ALDH1L1: variants seen among roughly 807,000 people sequenced by gnomAD.
ALDH1L1 encodes the protein aldehyde dehydrogenase 1 family member L1, also known as cytosolic 10-formyltetrahydrofolate dehydrogenase.
ALDH1L1 carries 68 observed loss-of-function variants against 101.1 expected under a neutral mutation model. The ratio of observed to expected loss-of-function variants is 0.67; its 90% CI spans 0.55 to 0.82. ALDH1L1 has a LOEUF of 0.82. ALDH1L1 is among the 40% of genes least tolerant of loss of function. ALDH1L1 has a pLI of 0.00. For synonymous variants in ALDH1L1, 486 were observed against 470.8 expected (o/e 1.03, Z -0.42); for missense variants, 1,087 against 1,172.7 (o/e 0.93, Z 1.07).
chr3:126,179,719 C>T (rs1300663520), intron 1 of ALDH1L1: 2 of 152,258 alleles, frequency 1.3e-5, no homozygotes, highest in Admixed American at 1.3e-4. Context: ...AGTCACCTGA[C>T]ACCAGAGCCC....
At chr3:126,155,737 A>C (rs1367684846) in intron 4 of ALDH1L1, 1 of 438,796 alleles carries the variant, frequency 2.3e-6, no homozygotes, top group Admixed American at 4.4e-5. Flanking sequence ...GATTACATAG[A>C]TCTTACATCT....
intron 5 of ALDH1L1, 29 bp downstream of exon 5, chr3:126,155,373 A>G (rs371769068): frequency 1.3e-6 from 2 of 1,595,440 alleles, no homozygotes; most frequent in Non-Finnish European, 1.7e-6. Flanking sequence ...CACAGGCAGG[A>G]TGAGGGTGTG....
In ALDH1L1 at chr3:126,135,595, G is replaced by A; in HGVS notation, c.1412C>T (p.Ala471Val). ...VDKAVAAAKD[A>V]FENGRWGKIS... ...CTTCCCCCACCGTCCATTCTCAAAG[G>A]CATCCTTGGCTGCGGCCACTGCCTT... Residue 471 changes from alanine to valine, a missense_variant, in exon 12 of 23, where the codon GCC becomes GTC. Physicochemically the swap from Ala to Val is moderately conservative, Grantham distance 64. Around this residue, in one of 2 missense-constraint regions of ALDH1L1, gnomAD observed 645 missense variants for 637.0 expected, o/e 1.01. Coordinates refer to ENST00000393434, the MANE Select transcript of ALDH1L1 (RefSeq NM_012190.4). The A allele has an allele frequency of 6.3e-7, 1 of 1,598,900 alleles. No individual in the cohort carries two copies. The highest frequency in any genetic ancestry group is 8.5e-7 in the Non-Finnish European group (1 of 1,173,010).
intron 7 of ALDH1L1, chr3:126,150,761 C>T (rs1160272306): frequency 7.6e-6 from 3 of 394,140 alleles, no homozygotes; most frequent in Non-Finnish European, 1.4e-5. Flanking sequence ...GGTTTCACCA[C>T]ATTGGTCAGG....
intron 19 of ALDH1L1, 183 bp from the exon 20 acceptor site, chr3:126,110,292 G>A: frequency 1.4e-6 from 1 of 727,266 alleles, no homozygotes; most frequent in Non-Finnish European, 2.2e-6. Flanking sequence ...TGGCTCCTAT[G>A]TGTAGAGGGA....
At chr3:126,123,982 A>G (rs3772420) in intron 16 of ALDH1L1, among the ~76,000 whole-genome samples, 90,525 of 152,036 alleles carry the variant, frequency 0.6, 27,165 homozygotes, top group African/African-American at 0.67. Context: ...AAACACAACA[A>G]AAACTTAAAA....
chr3:126,181,223 G>A (rs531412006), upstream of ALDH1L1: 7 of 594,700 alleles, frequency 1.2e-5, no homozygotes, highest in East Asian at 1.4e-4. Flanking sequence ...TGGCCAGCCC[G>A]GTCTCAGGCA....
chr3:126,196,725 T>C (rs2081583789), intron 1 of ALDH1L1, among the ~76,000 whole-genome samples: 2 of 152,098 alleles, frequency 1.3e-5, no homozygotes, highest in Non-Finnish European at 2.9e-5. Flanking sequence ...GAAAGGAAGA[T>C]TTAAGAAGGG....
At chr3:126,151,466 C>G (rs1351291205) in intron 7 of ALDH1L1, 1 of 152,182 alleles carries the variant, frequency 6.6e-6, no homozygotes, top group African/African-American at 2.4e-5. Context: ...TGACTCTGGG[C>G]TACTCTAGTG....
At chr3:126,153,353 A>G in intron 7 of ALDH1L1, 91 bp downstream of exon 7, 1 of 1,589,474 alleles carries the variant, frequency 6.3e-7, no homozygotes, top group Non-Finnish European at 8.6e-7. Flanking sequence ...TTTTCTCCAG[A>G]GGAGCCTAGG....
At chr3:126,157,566 TG>T in intron 3 of ALDH1L1, 58 bp from the exon 4 acceptor site, 1 of 1,581,256 alleles carries the variant, frequency 6.3e-7, no homozygotes, top group South Asian at 1.2e-5. Flanking sequence ...GAGGATGTCC[TG>T]GGTACAGGCC....
chr3:126,117,592 C>T (rs2079995883), intron 17 of ALDH1L1, among the ~76,000 whole-genome samples: 2 of 151,218 alleles, frequency 1.3e-5, no homozygotes, highest in South Asian at 2.1e-4. Flanking sequence ...GTCAAGGCTA[C>T]AGTGAGCTAT....
At position 126,105,716 on chromosome 3, in the gene ALDH1L1, A is replaced by G; in HGVS notation, c.2653+10T>C. The G allele has an allele frequency of 6.2e-7, 1 of 1,614,122 alleles. No individual in the cohort carries two copies. The highest frequency in any genetic ancestry group is 1.7e-5 in the Admixed American group (1 of 60,028). On this transcript the variant is annotated intron_variant, in intron 22 of 22. Coordinates refer to ENST00000393434, the MANE Select transcript of ALDH1L1 (RefSeq NM_012190.4). ...AAATGAAAGCAACCCCACAGGCAGG[A>G]GTAGGTTACCTAGATCTTTGCCAAA...
At chr3:126,106,207 C>T (rs2108164306) in intron 21 of ALDH1L1, among the ~76,000 whole-genome samples, 1 of 152,306 alleles carries the variant, frequency 6.6e-6, no homozygotes, top group South Asian at 2.1e-4. Context: ...GCCGCTGGGT[C>T]CTCACATGCA....
intron 7 of ALDH1L1, chr3:126,150,970 A>G (rs1290643903): frequency 5.9e-6 from 1 of 169,068 alleles, no homozygotes; most frequent in Non-Finnish European, 1.3e-5. Flanking sequence ...CAGATGAGGA[A>G]GAAGCAGGGA....
At chr3:126,158,067 C>T (rs1291318712) in intron 3 of ALDH1L1, among the ~76,000 whole-genome samples, 1 of 152,006 alleles carries the variant, frequency 6.6e-6, no homozygotes, top group Non-Finnish European at 1.5e-5. Context: ...GGGTGGCACC[C>T]TGGCCCCTGC....
At chr3:126,157,924 G>T (rs1017240605) in intron 3 of ALDH1L1, among the ~76,000 whole-genome samples, 11 of 152,134 alleles carry the variant, frequency 7.2e-5, no homozygotes, top group Admixed American at 7.2e-4. Flanking sequence ...CCCATTTGTT[G>T]TCTTGGGAAT....
At chr3:126,153,258 G>T in intron 7 of ALDH1L1, 186 bp downstream of exon 7, 2 of 844,664 alleles carry the variant, frequency 2.4e-6, no homozygotes, top group Non-Finnish European at 3.8e-6. Flanking sequence ...TGGGTAAACT[G>T]CCTCGGACAC....
chr3:126,134,422 C>T (rs2080380703), intron 12 of ALDH1L1, among the ~76,000 whole-genome samples: 1 of 152,228 alleles, frequency 6.6e-6, no homozygotes, highest in Non-Finnish European at 1.5e-5. Flanking sequence ...AGAGGTTCTC[C>T]CGCCACCTGT....
Sources: allele counts gnomAD v4.1 joint callset (sites outside exome capture counted in the v4.1 genomes callset), GRCh38; gene constraint gnomAD v4.1.1; regional missense constraint gnomAD v4.1.1; transcripts MANE v1.5; gene names NCBI Gene and HGNC (gene_info 2026-07-23, HGNC 2026-07-21).